MYCBP2: variants seen among roughly 807,000 people sequenced by gnomAD.
MYCBP2 encodes E3 ubiquitin-protein ligase MYCBP2.
A neutral mutation model predicts 525.3 loss-of-function variants in MYCBP2; 120 were observed. That is an observed-to-expected ratio of 0.23 (90% CI 0.20 to 0.27). The LOEUF (loss-of-function observed/expected upper bound fraction) is 0.27. Ranked by LOEUF, MYCBP2 falls within the 10% of genes least tolerant of loss-of-function variation. The probability of loss-of-function intolerance (pLI) is 1.00; values close to 1 mark genes in which losing one functional copy is unlikely to be tolerated. For missense variants in MYCBP2, 4,149 were observed against 5,657.1 expected (o/e 0.73, Z 8.55); for synonymous variants, 1,894 against 1,955.8 (o/e 0.97, Z 0.83).
chr13:77,260,639 A>C (rs754759281), intron 12 of MYCBP2, 47 bp from the exon 13 acceptor site: 50 of 1,423,596 alleles, frequency 3.5e-5, no homozygotes, highest in Non-Finnish European at 4.7e-5. Context: ...TGTACAAATA[A>C]TAATAATAAT....
At chr13:77,161,847 G>A in intron 44 of MYCBP2, 59 bp downstream of exon 44, 1 of 1,316,742 alleles carries the variant, frequency 7.6e-7, no homozygotes, top group South Asian at 1.3e-5. Context: ...GCTGATCTGA[G>A]TGACAATACT....
chr13:77,067,132 G>A (rs1450833467), intron 71 of MYCBP2, among the ~76,000 whole-genome samples: 1 of 151,970 alleles, frequency 6.6e-6, no homozygotes, highest in African/African-American at 2.4e-5. Context: ...TCTGTGTTTT[G>A]TTTAAGAAGG....
chr13:77,055,927 A>G (rs1310813895), intron 79 of MYCBP2, among the ~76,000 whole-genome samples, 160 bp from the exon 80 acceptor site: 2 of 152,240 alleles, frequency 1.3e-5, no homozygotes, highest in African/African-American at 4.8e-5. Context: ...TAAATTCTTT[A>G]GAAGCCCATA....
At chr13:77,289,743 C>T (rs2077281666) in intron 2 of MYCBP2, among the ~76,000 whole-genome samples, 1 of 151,620 alleles carries the variant, frequency 6.6e-6, no homozygotes, top group Non-Finnish European at 1.5e-5. Context: ...GAAGTATTTT[C>T]TAAAAAAGAA....
At chr13:77,181,636 G>T (rs1485115157) in intron 33 of MYCBP2, 65 bp downstream of exon 33, 2 of 1,304,284 alleles carry the variant, frequency 1.5e-6, no homozygotes, top group African/African-American at 2.9e-5. Flanking sequence ...GTATAAAAGA[G>T]GCAATAAATA....
rs781642815 is a variant in MYCBP2 at position 77,243,115 on chromosome 13, C to T, written c.2573G>A (p.Arg858Gln). 1.2e-5 allele frequency: 19 copies of T among 1,613,776 alleles called. No homozygotes were observed. Among genetic ancestry groups the T allele is most frequent in the Admixed American group, 1.7e-5 (1 of 59,990 alleles). ...TACACGTTGCCGTTTTTCTTCTTGTCGTAACTGAAGGTGTTCTTCAATGTT... is the reference window on the plus strand; with the variant it reads ...TACACGTTGCCGTTTTTCTTCTTGTTGTAACTGAAGGTGTTCTTCAATGTT... The part of the protein sequence containing the change: ...GVNIEEHLQL[R>Q]QEEKRQRVIR... Residue 858 changes from arginine (R) to glutamine (Q), a missense_variant, in exon 17 of 83, where the codon CGA (arginine) becomes CAA (glutamine). By Grantham distance (43) the Arg-to-Gln change is conservative. Transcript: ENST00000544440.
chr13:77,289,827 G>A (rs896478989), intron 2 of MYCBP2, among the ~76,000 whole-genome samples: 5 of 152,114 alleles, frequency 3.3e-5, no homozygotes, highest in Non-Finnish European at 2.9e-5. Flanking sequence ...ATAGTATGCA[G>A]ATTTAACAAA....
chr13:77,292,459 A>C (rs1195645289), intron 2 of MYCBP2, among the ~76,000 whole-genome samples: 2 of 152,186 alleles, frequency 1.3e-5, no homozygotes, highest in Non-Finnish European at 2.9e-5. Flanking sequence ...AATCAGCAAA[A>C]AAATGGAATG....
intron 80 of MYCBP2, among the ~76,000 whole-genome samples, chr13:77,052,590 A>C (rs1396811725): frequency 1.3e-5 from 2 of 152,250 alleles, no homozygotes; most frequent in South Asian, 4.1e-4. Context: ...CCAAGTAAAT[A>C]TCAACAGAAT....
intron 28 of MYCBP2, among the ~76,000 whole-genome samples, chr13:77,190,991 C>CCT (rs1023407837): frequency 2.0e-4 from 30 of 152,178 alleles, no homozygotes; most frequent in Non-Finnish European, 3.5e-4. Flanking sequence ...AAATGATAGT[C>CCT]CTTTAGAATA....
intron 17 of MYCBP2, among the ~76,000 whole-genome samples, chr13:77,233,949 C>A (rs2067508526): frequency 6.6e-6 from 1 of 151,740 alleles, no homozygotes; most frequent in South Asian, 2.1e-4. Context: ...ACCCAAATAA[C>A]ATTTTGGAAA....
chr13:77,137,779 G>A (rs1013780266), intron 52 of MYCBP2, among the ~76,000 whole-genome samples: 2 of 152,088 alleles, frequency 1.3e-5, no homozygotes. Flanking sequence ...TAGTAGAGAC[G>A]GGGTTTCACC....
Position 77,064,629 on chromosome 13 carries a change from T to C in MYCBP2, c.12658A>G (p.Ile4220Val), listed in dbSNP as rs765827705. The C allele has an allele frequency of 5.6e-6, 9 of 1,611,768 alleles. No homozygotes were observed. The highest frequency in any genetic ancestry group is 7.6e-6 in the Non-Finnish European group (9 of 1,178,838). ...EEEFRSPVRC[I>V]ATTRLWLALA... ...GCAAAACCTACTCTAGTTGTTGCAA[T>C]ACATCTCACTGGAGACCTAAATTCT... Residue 4220 changes from isoleucine (I) to valine (V), a missense_variant, in exon 73 of 83, where the codon ATT (isoleucine) becomes GTT (valine). Physicochemically the swap from Ile to Val is conservative, Grantham distance 29. Around this residue, in one of 21 missense-constraint regions of MYCBP2, gnomAD observed 148 missense variants for 179.4 expected, o/e 0.82. Transcript: ENST00000544440.
chr13:77,205,321 T>C lies in MYCBP2; in HGVS notation c.3778A>G (p.Thr1260Ala), dbSNP rs925277771. ...CCAAGACCACCAAGTAAAATATCAG[T>C]GTCGGCACTGAAACGTATAGCTTCT... ...SVEAIRFSAD[T>A]DILLGGLGLF... Residue 1260 changes from threonine to alanine, a missense_variant, in exon 26 of 83, where the codon ACT (threonine) becomes GCT (alanine). By Grantham distance (58) the Thr-to-Ala change is moderately conservative. Coordinates refer to ENST00000544440, the MANE Select transcript of MYCBP2 (RefSeq NM_015057.5). 42 of 1,613,756 alleles carry C rather than the reference T, an allele frequency of 2.6e-5. No homozygotes were observed. The highest frequency in any genetic ancestry group is 3.3e-5 in the Non-Finnish European group (39 of 1,179,864).
At chr13:77,247,728 G>A (rs912412358) in intron 15 of MYCBP2, among the ~76,000 whole-genome samples, 35 of 152,138 alleles carry the variant, frequency 2.3e-4, no homozygotes, top group Non-Finnish European at 1.8e-4. Flanking sequence ...ACAGACCAAT[G>A]GGATAGAATA....
rs761915816 is a variant in MYCBP2, at chr13:77,076,707, GAATA to G, written c.11823+40_11823+43del. ...AAATGAATTATTTCACTGAAAAAAA[GAATA>G]AAAAAGGGAAATAAATATCTTTAGA... On this transcript the variant is annotated intron_variant, in intron 68 of 82. Coordinates refer to ENST00000544440, the MANE Select transcript of MYCBP2 (RefSeq NM_015057.5). 3.3e-6 allele frequency: 4 copies of G among 1,208,182 alleles called. No homozygotes were observed. The South Asian group carries it at 4.2e-5, about 13-fold the overall frequency. The allele number at this position is 1,208,182 out of a possible 1,614,324, so 74.8% of individuals were successfully genotyped here. A position where few individuals can be genotyped will look rare whatever the true frequency, so the allele number is the denominator to read the frequency against.
At chr13:77,051,488 C>T (rs1214211263) in intron 81 of MYCBP2, among the ~76,000 whole-genome samples, 1 of 152,190 alleles carries the variant, frequency 6.6e-6, no homozygotes, top group Non-Finnish European at 1.5e-5. Context: ...CTCTTATAAT[C>T]TCACAGATGT....
At chr13:77,166,154 G>C (rs2058495681) in intron 41 of MYCBP2, among the ~76,000 whole-genome samples, 175 bp downstream of exon 41, 1 of 151,950 alleles carries the variant, frequency 6.6e-6, no homozygotes, top group Non-Finnish European at 1.5e-5. Flanking sequence ...CTCAGATCAG[G>C]CTGTGCCCCT....
Position 77,055,732 on chromosome 13 carries a change from A to G in MYCBP2, c.13473T>C (p.Leu4491=), listed in dbSNP as rs770662889. 6.2e-7 allele frequency: 1 copy of G among 1,613,618 alleles called. No homozygotes were observed. The highest frequency in any genetic ancestry group is 1.7e-5 in the Admixed American group (1 of 60,004). ...KINHIVLKDL[L]DPIKELYEDV... is the part of the protein sequence containing the mutation. ...CCTCATAGAGTTCTTTTATTGGATC[A>G]AGTAGGTCTTTTAGTACTATGTGAT... is the stretch of plus-strand genomic sequence containing the variant. The change falls in exon 80 of 83, where the codon CTT becomes CTC. Residue 4491 remains leucine, a synonymous_variant. Coordinates refer to ENST00000544440, the MANE Select transcript of MYCBP2 (RefSeq NM_015057.5).
Sources: allele counts gnomAD v4.1 joint callset (sites outside exome capture counted in the v4.1 genomes callset), GRCh38; gene constraint gnomAD v4.1.1; regional missense constraint gnomAD v4.1.1; transcripts MANE v1.5; gene names NCBI Gene and HGNC (gene_info 2026-07-23, HGNC 2026-07-21).